Variants in PALLD observed in about 807,000 individuals in gnomAD.
PALLD encodes palladin, cytoskeletal associated protein.
A neutral mutation model predicts 123.5 loss-of-function variants in PALLD; 61 were observed. The ratio of observed to expected loss-of-function variants is 0.49; its 90% CI spans 0.40 to 0.61. The LOEUF (loss-of-function observed/expected upper bound fraction) is 0.61, where lower values mean the gene tolerates loss of function less well. PALLD is among the 20% of genes least tolerant of loss of function. PALLD has a pLI of 0.00. For synonymous variants in PALLD, 465 were observed against 496.4 expected (o/e 0.94, Z 0.84); for missense variants, 1,273 against 1,377.0 (o/e 0.92, Z 1.20).
chr4:168,792,126 G>A (rs1737608978), intron 10 of PALLD, among the ~76,000 whole-genome samples: 1 of 152,128 alleles, frequency 6.6e-6, no homozygotes, highest in Admixed American at 6.5e-5. Context: ...ATAAAAGGCT[G>A]CTGCCCTCAG....
At chr4:168,635,726 C>T (rs914018168) in intron 2 of PALLD, among the ~76,000 whole-genome samples, 1 of 152,194 alleles carries the variant, frequency 6.6e-6, no homozygotes, top group African/African-American at 2.4e-5. Context: ...AATGGAAGGC[C>T]TGAGATCTTC....
Position 168,691,311 on chromosome 4 carries a change from T to C in PALLD, c.1501+19T>C, listed in dbSNP as rs754260166. The C allele has an allele frequency of 3.5e-6, 3 of 854,888 alleles. No individual in the cohort carries two copies. The highest frequency in any genetic ancestry group is 2.4e-5 in the South Asian group (1 of 42,008). The allele number at this position is 854,888 out of a possible 1,614,324, so 53.0% of individuals were successfully genotyped here. A position where few individuals can be genotyped will look rare whatever the true frequency, so the allele number is the denominator to read the frequency against. On this transcript the variant is annotated intron_variant, in intron 8 of 21. Coordinates refer to ENST00000505667, the MANE Select transcript of PALLD (RefSeq NM_001166108.2). The stretch of plus-strand genomic sequence containing the variant: ...GAACCTGGTAAGAATATTTTTAGGG[T>C]TTTTTTTTTTGGTGGTGGGGGAGCA...
chr4:168,759,668 A>C (rs1033950190), intron 10 of PALLD, among the ~76,000 whole-genome samples: 3 of 138,454 alleles, frequency 2.2e-5, no homozygotes, highest in African/African-American at 8.2e-5. Flanking sequence ...ATAAAACCTA[A>C]ACATGGTTCA....
chr4:168,895,306 C>T (rs1021735827), intron 12 of PALLD, among the ~76,000 whole-genome samples: 3 of 152,118 alleles, frequency 2.0e-5, no homozygotes, highest in African/African-American at 4.8e-5. Flanking sequence ...TGCTTGAACC[C>T]GGGAGGTGGA....
rs28566961 is a variant in PALLD at position 168,794,198 on chromosome 4, G to A, written c.1964+82275G>A. On this transcript the variant is annotated intron_variant, in intron 10 of 21. Transcript: ENST00000505667. ...GATGGAGTTCCTGTGATAGTGACCC[G>A]GTAGGCTCCTTCCAGGCCCACCTGG... is the stretch of plus-strand genomic sequence containing the variant. Among the ~76,000 whole-genome samples the A allele has an allele frequency of 5.8e-4, 88 of 152,232 alleles. 1 individual carries two copies. Among genetic ancestry groups the A allele is most frequent in the African/African-American group, 1.9e-3 (79 of 41,552 alleles).
intron 2 of PALLD, chr4:168,536,619 A>G (rs1765113979): frequency 6.6e-6 from 1 of 152,222 alleles, no homozygotes; most frequent in East Asian, 1.9e-4. Flanking sequence ...AAGAAATGTC[A>G]AGCAAAGCGA....
chr4:168,898,086 A>G (rs962514538), intron 13 of PALLD: 6 of 227,706 alleles, frequency 2.6e-5, no homozygotes, highest in South Asian at 6.8e-5. Context: ...CACATGTACT[A>G]TGTGGAGAGA....
intron 2 of PALLD, among the ~76,000 whole-genome samples, chr4:168,565,200 C>T (rs1295035487): frequency 1.3e-5 from 2 of 149,310 alleles, no homozygotes; most frequent in East Asian, 2.0e-4. Flanking sequence ...TAGTCTTTCA[C>T]TTTTTTTTTT....
At chr4:168,508,165 A>G (rs955259032) in intron 1 of PALLD, among the ~76,000 whole-genome samples, 6 of 152,220 alleles carry the variant, frequency 3.9e-5, no homozygotes, top group African/African-American at 1.4e-4. Flanking sequence ...ACACAAAGAA[A>G]TCATAAATGT....
intron 10 of PALLD, among the ~76,000 whole-genome samples, chr4:168,782,985 A>G (rs1174913812): frequency 6.6e-6 from 1 of 152,002 alleles, no homozygotes; most frequent in Non-Finnish European, 1.5e-5. Flanking sequence ...ACTATGGACC[A>G]TAGTTTGCCA....
At chr4:168,590,274 G>T (rs1199276697) in intron 2 of PALLD, among the ~76,000 whole-genome samples, 1 of 152,196 alleles carries the variant, frequency 6.6e-6, no homozygotes, top group Non-Finnish European at 1.5e-5. Flanking sequence ...CCCAGGAAAT[G>T]GAGGTTGCAG....
At chr4:168,734,792 C>T (rs541865245) in intron 10 of PALLD, among the ~76,000 whole-genome samples, 1 of 152,186 alleles carries the variant, frequency 6.6e-6, no homozygotes, top group African/African-American at 2.4e-5. Flanking sequence ...GGCATGGTGG[C>T]ACACGCCTGT....
chr4:168,616,440 C>T (rs1265987366), intron 2 of PALLD, among the ~76,000 whole-genome samples: 2 of 152,186 alleles, frequency 1.3e-5, no homozygotes, highest in Non-Finnish European at 2.9e-5. Flanking sequence ...TTTAGTTGCA[C>T]TTCTTTCAGT....
At chr4:168,738,224 G>A (rs1242424589) in intron 10 of PALLD, among the ~76,000 whole-genome samples, 1 of 151,956 alleles carries the variant, frequency 6.6e-6, no homozygotes. Flanking sequence ...GATTTCATTC[G>A]CAGAAGACAT....
chr4:168,734,493 G>A (rs891381525), intron 10 of PALLD, among the ~76,000 whole-genome samples: 22 of 152,102 alleles, frequency 1.4e-4, no homozygotes, highest in East Asian at 1.9e-4. Flanking sequence ...GAAATTGCAC[G>A]TAGTTGCCAA....
At position 168,664,696 on chromosome 4, in the gene PALLD, G is replaced by A. The variant is rs116341022; in HGVS notation, c.909-3494G>A. Among the ~76,000 whole-genome samples, 1,478 of 150,148 alleles carry A rather than the reference G, an allele frequency of 9.8e-3. 20 individuals are homozygous for A. The highest frequency in any genetic ancestry group is 0.028 in the African/African-American group (1,125 of 40,592). On this transcript the variant is annotated intron_variant, in intron 2 of 21. Transcript: ENST00000505667. Reference sequence around the variant, plus strand: ...CAGCCAGGGAAAGTCAGTTATTGACGTAAGTGCCTGTCAAGTCACCAGTTC... The same window carrying A: ...CAGCCAGGGAAAGTCAGTTATTGACATAAGTGCCTGTCAAGTCACCAGTTC...
intron 2 of PALLD, among the ~76,000 whole-genome samples, chr4:168,527,917 G>T (rs1265625023): frequency 1.3e-5 from 2 of 152,134 alleles, no homozygotes; most frequent in African/African-American, 4.8e-5. Context: ...TCAAATGAAG[G>T]TCTCCATCAA....
At chr4:168,556,487 T>C (rs1253714911) in intron 2 of PALLD, among the ~76,000 whole-genome samples, 1 of 152,152 alleles carries the variant, frequency 6.6e-6, no homozygotes, top group Non-Finnish European at 1.5e-5. Context: ...CACATATATT[T>C]TTCATTTTTT....
rs545452068 is a variant in PALLD, at chr4:168,810,411, T to G, written c.1965-80511T>G. ...GGCTCATGCCTGTAATCCCAGCACT[T>G]TGGGAGGCCAAGGCTGGTGGATCAC... On this transcript the variant is annotated intron_variant, in intron 10 of 21. Transcript: ENST00000505667. 1.5e-3 allele frequency among the ~76,000 whole-genome samples: 222 copies of G among 152,020 alleles called. 2 individuals are homozygous for G. Among genetic ancestry groups the G allele is most frequent in the Non-Finnish European group, 1.8e-3 (123 of 67,934 alleles).
Sources: allele counts gnomAD v4.1 joint callset (sites outside exome capture counted in the v4.1 genomes callset), GRCh38; gene constraint gnomAD v4.1.1; transcripts MANE v1.5; gene names NCBI Gene and HGNC (gene_info 2026-07-23, HGNC 2026-07-21).